GLRX3: variants seen among roughly 807,000 people sequenced by gnomAD.
GLRX3 encodes glutaredoxin-3.
Under a neutral mutation model 49.5 loss-of-function variants are expected in GLRX3, and 22 were observed. The ratio of observed to expected loss-of-function variants is 0.44; its 90% CI spans 0.32 to 0.63. The LOEUF (loss-of-function observed/expected upper bound fraction) is 0.63. Ranked by LOEUF, GLRX3 falls within the 30% of genes least tolerant of loss-of-function variation. The pLI, the probability that GLRX3 is intolerant of heterozygous loss-of-function variation, is 0.05. For synonymous variants in GLRX3, 133 were observed against 140.0 expected (o/e 0.95, Z 0.35); for missense variants, 385 against 396.3 (o/e 0.97, Z 0.24).
In GLRX3 at chr10:130,173,489, T is replaced by G. The variant is rs150419317; in HGVS notation, c.825-1378T>G. 9.8e-5 allele frequency among the ~76,000 whole-genome samples: 15 copies of G among 152,334 alleles called. No individual in the cohort carries two copies. In the East Asian group the frequency reaches 2.9e-3, roughly 29 times the overall value. On this transcript the variant is annotated intron_variant, in intron 8 of 10. Transcript: ENST00000331244. ...CTCCTTTTTACTTTTTCTCATTTCTTATCTTTTCCTTTAGTAGCCAAAATA... is the reference window on the plus strand; with the variant it reads ...CTCCTTTTTACTTTTTCTCATTTCTGATCTTTTCCTTTAGTAGCCAAAATA...
At chr10:130,161,832 T>C (rs1862582238) in intron 4 of GLRX3, among the ~76,000 whole-genome samples, 1 of 152,218 alleles carries the variant, frequency 6.6e-6, no homozygotes, top group Non-Finnish European at 1.5e-5. Flanking sequence ...AGTATGCTCT[T>C]GATATGATTA....
chr10:130,157,335 G>C (rs1368105439), intron 2 of GLRX3, among the ~76,000 whole-genome samples: 1 of 149,616 alleles, frequency 6.7e-6, no homozygotes, highest in African/African-American at 2.4e-5. Context: ...CTCCAGGAGG[G>C]AGGGATGGGG....
At chr10:130,177,548 C>G (rs895697822) in intron 10 of GLRX3, among the ~76,000 whole-genome samples, 31 of 152,210 alleles carry the variant, frequency 2.0e-4, no homozygotes, top group African/African-American at 7.5e-4. Context: ...GATGAGGAAA[C>G]AGAGACATAG....
chr10:130,161,122 T>G (rs572964629), intron 4 of GLRX3, 125 bp downstream of exon 4: 1 of 660,370 alleles, frequency 1.5e-6, no homozygotes, highest in Non-Finnish European at 2.7e-6. Flanking sequence ...GTTCACATAC[T>G]TTTAGAAAAT....
At chr10:130,169,147 T>A (rs893522908) in intron 6 of GLRX3, among the ~76,000 whole-genome samples, 1 of 152,198 alleles carries the variant, frequency 6.6e-6, no homozygotes, top group Non-Finnish European at 1.5e-5. Context: ...GAACAATTCC[T>A]TACTGAATTG....
intron 6 of GLRX3, 48 bp downstream of exon 6, chr10:130,167,028 A>T: frequency 1.0e-6 from 1 of 998,402 alleles, no homozygotes; most frequent in Non-Finnish European, 1.5e-6. Context: ...AATATATTAA[A>T]AATATTTTAA....
intron 4 of GLRX3, among the ~76,000 whole-genome samples, chr10:130,164,038 T>C (rs1011767621): frequency 6.6e-6 from 1 of 152,228 alleles, no homozygotes; most frequent in Non-Finnish European, 1.5e-5. Flanking sequence ...AAATTTTATA[T>C]CTAGAAAACC....
chr10:130,153,181 ATTAG>A (rs748066383), intron 2 of GLRX3, among the ~76,000 whole-genome samples: 13 of 151,796 alleles, frequency 8.6e-5, no homozygotes, highest in Non-Finnish European at 1.6e-4. Context: ...CTCTACATTG[ATTAG>A]TTAGCCACTT....
At chr10:130,172,961 G>C (rs141428057) in intron 8 of GLRX3, among the ~76,000 whole-genome samples, 2 of 152,112 alleles carry the variant, frequency 1.3e-5, no homozygotes, top group African/African-American at 4.8e-5. Flanking sequence ...TGTGGTTGTC[G>C]TCTTTAGATT....
intron 2 of GLRX3, chr10:130,159,785 C>T (rs1476751387): frequency 7.7e-7 from 1 of 1,302,772 alleles, no homozygotes; most frequent in African/African-American, 1.5e-5. Flanking sequence ...AAATAAAAAC[C>T]TCTGAACCTG....
intron 1 of GLRX3, 26 bp downstream of exon 1, chr10:130,136,538 G>A (rs1862055101): frequency 1.9e-5 from 24 of 1,256,614 alleles, no homozygotes; most frequent in Non-Finnish European, 2.1e-5. Flanking sequence ...AGCGGTAGGA[G>A]TGAGGAGCCG....
intron 1 of GLRX3, among the ~76,000 whole-genome samples, chr10:130,144,156 C>T (rs1290911386): frequency 6.6e-6 from 1 of 152,134 alleles, no homozygotes; most frequent in Non-Finnish European, 1.5e-5. Context: ...CACTATACCA[C>T]ATTTAAAAAG....
Position 130,166,562 on chromosome 10 carries a change from T to C in GLRX3, c.534T>C (p.Ser178=). The C allele has an allele frequency of 6.2e-7, 1 of 1,612,440 alleles. No individual in the cohort carries two copies. Among genetic ancestry groups the C allele is most frequent in the Non-Finnish European group, 8.5e-7 (1 of 1,178,522 alleles). Residue 178 remains serine, a synonymous_variant, in exon 5 of 11, where the codon AGT becomes AGC. Coordinates refer to ENST00000331244, the MANE Select transcript of GLRX3 (RefSeq NM_006541.5). ...ILHKHNIQFS[S]FDIFSDEEVR... is the part of the protein sequence containing the mutation. ...ACAAACATAATATTCAGTTTAGCAG[T>C]TTTGATATCTTCTCAGATGAAGAGG...
intron 2 of GLRX3, among the ~76,000 whole-genome samples, chr10:130,147,059 C>G (rs1007583558): frequency 1.3e-5 from 2 of 152,130 alleles, no homozygotes; most frequent in African/African-American, 4.8e-5. Context: ...TCTAGTGTTT[C>G]TTTATGCAAA....
At chr10:130,161,797 T>A (rs1186766332) in intron 4 of GLRX3, among the ~76,000 whole-genome samples, 1 of 152,178 alleles carries the variant, frequency 6.6e-6, no homozygotes, top group African/African-American at 2.4e-5. Context: ...GGAGGGACTT[T>A]ATTAAGATAG....
At chr10:130,151,116 CG>C (rs753251741) in intron 2 of GLRX3, among the ~76,000 whole-genome samples, 11 of 152,006 alleles carry the variant, frequency 7.2e-5, no homozygotes, top group Admixed American at 3.9e-4. Flanking sequence ...TTAGTAGAGA[CG>C]GGGTTTCACC....
At chr10:130,155,735 C>G (rs1469146653) in intron 2 of GLRX3, among the ~76,000 whole-genome samples, 2 of 152,020 alleles carry the variant, frequency 1.3e-5, no homozygotes, top group East Asian at 3.9e-4. Flanking sequence ...ATAGCAGCGT[C>G]ATTTAGAGCC....
At chr10:130,141,102 G>T (rs910639713) in intron 1 of GLRX3, among the ~76,000 whole-genome samples, 2 of 152,078 alleles carry the variant, frequency 1.3e-5, no homozygotes, top group Non-Finnish European at 2.9e-5. Context: ...TTTGAGAGGC[G>T]AATGCAGGCA....
chr10:130,172,103 T>C (rs1371271177), intron 8 of GLRX3, among the ~76,000 whole-genome samples: 2 of 152,246 alleles, frequency 1.3e-5, no homozygotes, highest in Non-Finnish European at 2.9e-5. Flanking sequence ...TAGATCAAAA[T>C]AGTATTTTCT....
Sources: gnomAD v4.1 joint callset for allele counts (sites outside exome capture counted in the v4.1 genomes callset) on GRCh38, gnomAD v4.1.1 for gene constraint, MANE v1.5 for transcripts, NCBI Gene and HGNC (gene_info 2026-07-23, HGNC 2026-07-21) for gene names.